The following TENM2 variants were observed in gnomAD, a reference collection of about 807,000 sequenced individuals.
TENM2 encodes the protein teneurin transmembrane protein 2, also known as teneurin-2.
Under a neutral mutation model 245.2 loss-of-function variants are expected in TENM2, and 52 were observed. That is an observed-to-expected ratio of 0.21 (90% CI 0.17 to 0.27). TENM2 has a LOEUF of 0.27. TENM2 is among the 10% of genes least tolerant of loss of function. The pLI, the probability that TENM2 is intolerant of heterozygous loss-of-function variation, is 1.00. For synonymous variants in TENM2, 1,363 were observed against 1,438.9 expected, an observed-to-expected ratio of 0.95 and a Z score of 1.19; for missense variants, 3,046 against 3,666.8, an observed-to-expected ratio of 0.83 and a Z score of 4.37.
intron 2 of TENM2, among the ~76,000 whole-genome samples, chr5:167,794,380 A>G (rs1269834245): frequency 6.6e-6 from 1 of 152,242 alleles, no homozygotes; most frequent in Non-Finnish European, 1.5e-5. Flanking sequence ...CAGAAAGGTG[A>G]TAACAGGGTC....
At chr5:167,921,098 T>C (rs538860241) in intron 3 of TENM2, among the ~76,000 whole-genome samples, 21 of 152,312 alleles carry the variant, frequency 1.4e-4, no homozygotes, top group African/African-American at 5.1e-4. Context: ...AAATCAACCA[T>C]CTAAGAAAAT....
At chr5:167,732,403 T>G (rs1760498939) in intron 2 of TENM2, among the ~76,000 whole-genome samples, 1 of 152,180 alleles carries the variant, frequency 6.6e-6, no homozygotes, top group African/African-American at 2.4e-5. Flanking sequence ...AATTTATACT[T>G]AGGGCCCTGT....
chr5:167,644,543 C>T (rs1054672092), intron 2 of TENM2, among the ~76,000 whole-genome samples: 1 of 152,140 alleles, frequency 6.6e-6, no homozygotes, highest in Non-Finnish European at 1.5e-5. Flanking sequence ...ATGGTAGCTA[C>T]TATTTTGTAT....
intron 3 of TENM2, among the ~76,000 whole-genome samples, chr5:167,894,707 G>T (rs1015711920): frequency 6.6e-6 from 1 of 152,032 alleles, no homozygotes; most frequent in Non-Finnish European, 1.5e-5. Context: ...ATAAATATCT[G>T]TTGGATGGTT....
At chr5:167,492,818 G>A (rs1362956256) in intron 2 of TENM2, among the ~76,000 whole-genome samples, 4 of 151,966 alleles carry the variant, frequency 2.6e-5, no homozygotes, top group African/African-American at 9.7e-5. Flanking sequence ...ATGTGTGAAT[G>A]GAATGTTCAG....
chr5:167,532,760 A>G (rs942108597), intron 2 of TENM2, among the ~76,000 whole-genome samples: 2 of 139,184 alleles, frequency 1.4e-5, no homozygotes, highest in Admixed American at 1.4e-4. Flanking sequence ...ATACACACAT[A>G]TGTGTATATA....
At chr5:167,436,397 C>T (rs191145676) in intron 2 of TENM2, among the ~76,000 whole-genome samples, 1 of 152,136 alleles carries the variant, frequency 6.6e-6, no homozygotes, top group East Asian at 1.9e-4. Context: ...AATTTCTAAG[C>T]AGCAAAGCAT....
intron 5 of TENM2, among the ~76,000 whole-genome samples, chr5:168,047,071 T>C (rs1027622141): frequency 6.6e-6 from 1 of 151,934 alleles, no homozygotes; most frequent in East Asian, 1.9e-4. Flanking sequence ...GTGTCCAGAG[T>C]GTAGAAAAGG....
At chr5:167,502,783 G>A (rs1470124452) in intron 2 of TENM2, among the ~76,000 whole-genome samples, 1 of 152,146 alleles carries the variant, frequency 6.6e-6, no homozygotes. Flanking sequence ...TCAGTTTCAG[G>A]TGGGGATTCA....
chr5:168,044,019 T>A (rs892075223), intron 5 of TENM2, among the ~76,000 whole-genome samples: 2 of 152,196 alleles, frequency 1.3e-5, no homozygotes, highest in African/African-American at 4.8e-5. Context: ...AACTTCACAG[T>A]CAATAGTTTC....
intron 5 of TENM2, among the ~76,000 whole-genome samples, chr5:168,041,612 C>T (rs1382104726): frequency 3.9e-5 from 6 of 152,184 alleles, no homozygotes; most frequent in Admixed American, 6.5e-5. Flanking sequence ...CCCCCACCTG[C>T]GAGTGCCTCT....
chr5:167,150,396 G>A, the TENM2 span, among the ~76,000 whole-genome samples: 1 of 152,204 alleles, frequency 6.6e-6, no homozygotes, highest in East Asian at 1.9e-4. Context: ...TTTGTTATGT[G>A]AGGAGCTTAA....
At chr5:167,869,396 G>A (rs565788693) in intron 2 of TENM2, among the ~76,000 whole-genome samples, 1 of 152,186 alleles carries the variant, frequency 6.6e-6, no homozygotes, top group Non-Finnish European at 1.5e-5. Flanking sequence ...ATGCAAACCT[G>A]AGTTCAAATC....
At chr5:167,161,558 G>T in the TENM2 span, among the ~76,000 whole-genome samples, 1 of 152,122 alleles carries the variant, frequency 6.6e-6, no homozygotes, top group African/African-American at 2.4e-5. Context: ...TAACAGATTA[G>T]AAAATACAAA....
At chr5:167,847,850 G>C (rs1770191995) in intron 2 of TENM2, among the ~76,000 whole-genome samples, 1 of 152,104 alleles carries the variant, frequency 6.6e-6, no homozygotes, top group African/African-American at 2.4e-5. Context: ...AAACTCCAAA[G>C]CCTTTTTTTA....
At chr5:167,573,971 C>G (rs1161870682) in intron 2 of TENM2, 1 of 151,358 alleles carries the variant, frequency 6.6e-6, no homozygotes. Flanking sequence ...AGGATTGGAG[C>G]GAGCTAGAGA....
At chr5:167,047,252 C>T in the TENM2 span, among the ~76,000 whole-genome samples, 2 of 152,100 alleles carry the variant, frequency 1.3e-5, no homozygotes, top group Admixed American at 6.6e-5. Flanking sequence ...GACCTTCATC[C>T]CTTTCCTGGA....
intron 2 of TENM2, among the ~76,000 whole-genome samples, chr5:167,443,207 C>G (rs1764966297): frequency 6.6e-6 from 1 of 151,930 alleles, no homozygotes; most frequent in South Asian, 2.1e-4. Context: ...AATAATGAGT[C>G]ATGAAACCAG....
chr5:168,219,032 C>T, intron 23 of TENM2, 33 bp downstream of exon 25: 1 of 1,586,688 alleles, frequency 6.3e-7, no homozygotes, highest in Non-Finnish European at 8.6e-7. Flanking sequence ...TCTGAAGAGC[C>T]CTTCCCTTGC....
Sources: allele counts gnomAD v4.1 joint callset (sites outside exome capture counted in the v4.1 genomes callset), GRCh38; gene constraint gnomAD v4.1.1; transcripts MANE v1.5; gene names NCBI Gene and HGNC (gene_info 2026-07-23, HGNC 2026-07-21).